LRRIQ3: variants seen among roughly 807,000 people sequenced by gnomAD.
LRRIQ3 encodes the protein leucine rich repeats and IQ motif containing 3.
In LRRIQ3, 75 loss-of-function variants were observed where a neutral mutation model predicts 59.3. That is an observed-to-expected ratio of 1.26 (90% confidence interval 1.05 to 1.53). The LOEUF (loss-of-function observed/expected upper bound fraction) is 1.53, where lower values mean the gene tolerates loss of function less well. LRRIQ3 is among the 40% of genes most tolerant of loss of function. The probability of loss-of-function intolerance (pLI) is 0.00; values close to 1 mark genes in which losing one functional copy is unlikely to be tolerated. For missense variants in LRRIQ3, 831 were observed against 710.0 expected, an observed-to-expected ratio of 1.17 and a Z score of -1.94; for synonymous variants, 250 against 231.3, an observed-to-expected ratio of 1.08 and a Z score of -0.73.
In LRRIQ3 at chr1:74,044,403, G is replaced by A. The variant is rs559155574; in HGVS notation, c.998-2470C>T. Among the ~76,000 whole-genome samples the A allele has an allele frequency of 4.8e-4, 73 of 152,152 alleles. 2 individuals are homozygous for A. The South Asian group carries it at 0.015, about 30-fold the overall frequency. ...ATGGTAGTTCATATGAGAGCTAGTT[G>A]TTTAAAAAAGTCTGGCACCTCTGTC... On this transcript the variant is annotated intron_variant, in intron 6 of 7. Coordinates refer to ENST00000354431, the MANE Select transcript of LRRIQ3 (RefSeq NM_001105659.2).
At chr1:74,055,408 G>T (rs1194640330) in intron 6 of LRRIQ3, among the ~76,000 whole-genome samples, 1 of 151,776 alleles carries the variant, frequency 6.6e-6, no homozygotes. Flanking sequence ...TATCTCTATA[G>T]GTTTGTATTT....
chr1:74,112,874 C>T (rs1483368015), intron 4 of LRRIQ3, among the ~76,000 whole-genome samples: 1 of 152,044 alleles, frequency 6.6e-6, no homozygotes, highest in East Asian at 1.9e-4. Flanking sequence ...TGTTACGATA[C>T]ATTACCTAAA....
chr1:74,177,017 G>C (rs1338841085), intron 3 of LRRIQ3, among the ~76,000 whole-genome samples: 1 of 152,168 alleles, frequency 6.6e-6, no homozygotes, highest in South Asian at 2.1e-4. Context: ...GCAGTAGAGT[G>C]GTTATTTTCT....
chr1:74,054,614 A>G (rs1654466452), intron 6 of LRRIQ3, among the ~76,000 whole-genome samples: 1 of 151,826 alleles, frequency 6.6e-6, no homozygotes, highest in Admixed American at 6.6e-5. Context: ...GATGTGGATA[A>G]TGAAAGAGGT....
chr1:74,081,602 A>T (rs1646273741), intron 5 of LRRIQ3, among the ~76,000 whole-genome samples: 1 of 151,656 alleles, frequency 6.6e-6, no homozygotes, highest in African/African-American at 2.4e-5. Flanking sequence ...TGGAATAAGT[A>T]AAAGAAAGGA....
At chr1:74,043,631 T>A (rs1404512724) in intron 6 of LRRIQ3, among the ~76,000 whole-genome samples, 1 of 152,146 alleles carries the variant, frequency 6.6e-6, no homozygotes, top group Non-Finnish European at 1.5e-5. Flanking sequence ...TGGTTGAACA[T>A]AGTCCCATTA....
Position 74,173,367 on chromosome 1 carries a change from A to C in LRRIQ3, c.573+9171T>G, listed in dbSNP as rs540683405. The stretch of plus-strand genomic sequence containing the variant: ...GGTGAGTTTAATCCATTTACACTTA[A>C]AATAATTATTAATAGTAAGGCTAAT... On this transcript the variant is annotated intron_variant, in intron 3 of 7. Transcript: ENST00000354431. 2.0e-5 allele frequency among the ~76,000 whole-genome samples: 3 copies of C among 151,346 alleles called. No individual in the cohort carries two copies. In the East Asian group the frequency reaches 5.8e-4, roughly 29 times the overall value.
chr1:74,122,886 A>C (rs970095068), intron 4 of LRRIQ3, among the ~76,000 whole-genome samples: 1 of 152,160 alleles, frequency 6.6e-6, no homozygotes, highest in Non-Finnish European at 1.5e-5. Context: ...ATCAGAGTGA[A>C]CATGCAACCT....
chr1:74,091,178 AT>A (rs1646390698), intron 5 of LRRIQ3, among the ~76,000 whole-genome samples: 1 of 152,124 alleles, frequency 6.6e-6, no homozygotes, highest in Non-Finnish European at 1.5e-5. Context: ...CAGCTACAGC[AT>A]GATACAAGTA....
intron 4 of LRRIQ3, among the ~76,000 whole-genome samples, chr1:74,154,970 T>C (rs927843743): frequency 3.0e-4 from 45 of 152,210 alleles, no homozygotes; most frequent in Non-Finnish European, 2.9e-5. Flanking sequence ...TAGCATATAT[T>C]GGCTTGTGCT....
At chr1:74,055,193 T>C (rs1370206451) in intron 6 of LRRIQ3, among the ~76,000 whole-genome samples, 1 of 140,050 alleles carries the variant, frequency 7.1e-6, no homozygotes, top group Non-Finnish European at 1.5e-5. Context: ...TATATATATA[T>C]ATATATATAT....
chr1:74,106,783 T>C (rs1646620440), intron 5 of LRRIQ3, among the ~76,000 whole-genome samples: 1 of 152,032 alleles, frequency 6.6e-6, no homozygotes, highest in Non-Finnish European at 1.5e-5. Flanking sequence ...ATTCAGATTT[T>C]CCTAAAATCT....
chr1:74,131,714 T>C (rs1182332556), intron 4 of LRRIQ3, among the ~76,000 whole-genome samples: 2 of 152,272 alleles, frequency 1.3e-5, no homozygotes, highest in East Asian at 3.9e-4. Flanking sequence ...TAGGTATTGA[T>C]GAGATGTATC....
At chr1:74,097,073 G>A (rs956631162) in intron 5 of LRRIQ3, among the ~76,000 whole-genome samples, 2 of 152,244 alleles carry the variant, frequency 1.3e-5, no homozygotes, top group East Asian at 1.9e-4. Flanking sequence ...TCTCTTCAAA[G>A]CTGTCAGACA....
chr1:74,105,877 A>C (rs551064486), intron 5 of LRRIQ3, among the ~76,000 whole-genome samples: 159 of 152,170 alleles, frequency 1.0e-3, no homozygotes, highest in African/African-American at 3.7e-3. Context: ...GTTATAAAAC[A>C]AATCTTACTT....
rs150988022 is a variant in LRRIQ3, at chr1:74,134,142, A to G, written c.707+21591T>C. On this transcript the variant is annotated intron_variant, in intron 4 of 7. Transcript: ENST00000354431. ...AGAGGTCTTCTGTAATGGCTGAGTG[A>G]GGGACTTGGCAACTCCTCTTTCCAA... Among the ~76,000 whole-genome samples the G allele has an allele frequency of 4.0e-3, 606 of 152,178 alleles. 6 individuals are homozygous for G. Among genetic ancestry groups the G allele is most frequent in the African/African-American group, 0.014 (573 of 41,548 alleles).
chr1:74,137,751 T>C (rs1300496348), intron 4 of LRRIQ3, among the ~76,000 whole-genome samples: 1 of 152,062 alleles, frequency 6.6e-6, no homozygotes, highest in Non-Finnish European at 1.5e-5. Context: ...CAACATGGAA[T>C]ACTATTCAGC....
At chr1:74,051,098 T>A (rs921696344) in intron 6 of LRRIQ3, among the ~76,000 whole-genome samples, 1 of 152,194 alleles carries the variant, frequency 6.6e-6, no homozygotes, top group African/African-American at 2.4e-5. Context: ...CTTTACATCT[T>A]TAATCAATTT....
chr1:74,130,179 T>G (rs1309606687), intron 4 of LRRIQ3, among the ~76,000 whole-genome samples: 1 of 152,048 alleles, frequency 6.6e-6, no homozygotes, highest in African/African-American at 2.4e-5. Context: ...GCCCACAGAT[T>G]GCAGACTTTG....
Sources: gnomAD v4.1 joint callset for allele counts (sites outside exome capture counted in the v4.1 genomes callset) on GRCh38, gnomAD v4.1.1 for gene constraint, MANE v1.5 for transcripts, NCBI Gene and HGNC (gene_info 2026-07-23, HGNC 2026-07-21) for gene names.